CLPP: variants seen among roughly 807,000 people sequenced by gnomAD.
CLPP encodes the protein caseinolytic mitochondrial matrix peptidase proteolytic subunit.
CLPP carries 14 observed loss-of-function variants against 27.4 expected under a neutral mutation model. The observed-to-expected ratio is 0.51, with a 90% CI of 0.34 to 0.80. The LOEUF (loss-of-function observed/expected upper bound fraction) is 0.80, where lower values mean the gene tolerates loss of function less well. Among genes scored for constraint, CLPP ranks in the 30% least tolerant of loss-of-function variants. CLPP has a pLI of 0.02. For missense variants in CLPP, 361 were observed against 403.6 expected, an observed-to-expected ratio of 0.89 and a Z score of 0.90; for synonymous variants, 193 against 166.6, an observed-to-expected ratio of 1.16 and a Z score of -1.22.
chr19:6,368,081 C>G (rs1568323396), intron 5 of CLPP, among the ~76,000 whole-genome samples: 1 of 152,082 alleles, frequency 6.6e-6, no homozygotes, highest in Admixed American at 6.6e-5. Flanking sequence ...TTACTGATAC[C>G]TAGGGGAAAC....
chr19:6,362,385 C>T (rs1446267776), intron 2 of CLPP, 61 bp from the exon 3 acceptor site: 4 of 1,181,984 alleles, frequency 3.4e-6, no homozygotes, highest in Admixed American at 3.4e-5. Context: ...CATCCCCAGC[C>T]TCCCTTAAAA....
Position 6,364,432 on chromosome 19 carries a change from A to T in CLPP, c.368-20A>T. On this transcript the variant is annotated intron_variant, in intron 3 of 5. Coordinates refer to ENST00000245816, the MANE Select transcript of CLPP (RefSeq NM_006012.4). ...TCGGGGGGAGCTGGTCCAGCCCCTC[A>T]CTTGCTCCCCCGCCCACAGGTGGTG... 6.3e-7 allele frequency: 1 copy of T among 1,595,158 alleles called. No individual in the cohort carries two copies. The highest frequency in any genetic ancestry group is 2.3e-5 in the East Asian group (1 of 43,768).
intron 4 of CLPP, among the ~76,000 whole-genome samples, chr19:6,366,003 CAG>C (rs2091860533): frequency 6.6e-6 from 1 of 151,734 alleles, no homozygotes; most frequent in Non-Finnish European, 1.5e-5. Flanking sequence ...AATGCTGAGA[CAG>C]AGAGACACTG....
chr19:6,366,293 G>A lies in CLPP; in HGVS notation c.591G>A (p.Glu197=). 1 of 1,612,886 alleles carries A rather than the reference G, an allele frequency of 6.2e-7. No homozygotes were observed. Among genetic ancestry groups the A allele is most frequent in the Non-Finnish European group, 8.5e-7 (1 of 1,179,450 alleles). ...CAGACATTGCCATCCAGGCAGAGGAGATCATGAAGCTCAAGAAGCAGCTCT... is the reference window on the plus strand; with the variant it reads ...CAGACATTGCCATCCAGGCAGAGGAAATCATGAAGCTCAAGAAGCAGCTCT... The part of the protein sequence containing the change: ...QATDIAIQAE[E]IMKLKKQLYN... Residue 197 remains glutamate, a synonymous_variant, in exon 5 of 6, where the codon GAG becomes GAA. Transcript: ENST00000245816.
At chr19:6,361,829 T>C in intron 1 of CLPP, 40 bp from the exon 2 acceptor site, 4 of 1,437,010 alleles carry the variant, frequency 2.8e-6, no homozygotes, top group Non-Finnish European at 3.6e-6. Context: ...GGGGATCGGC[T>C]GGCTGCCCCG....
In CLPP at chr19:6,368,890, C is replaced by T; in HGVS notation, c.*180C>T. Reference sequence around the variant, plus strand: ...GAGACACTGTGATTTTAAATTAAATCTTTGTGGTCTTTGCTCTGCGTCTGG... The same window carrying T: ...GAGACACTGTGATTTTAAATTAAATTTTTGTGGTCTTTGCTCTGCGTCTGG... On this transcript the variant is annotated 3_prime_UTR_variant, in exon 6 of 6. Transcript: ENST00000245816. 1.6e-6 allele frequency: 1 copy of T among 610,350 alleles called. No individual in the cohort carries two copies. The highest frequency in any genetic ancestry group is 2.9e-6 in the Non-Finnish European group (1 of 348,164). 37.8% of individuals were successfully genotyped at this position (610,350 alleles called of 1,614,324 possible). A position where few individuals can be genotyped will look rare whatever the true frequency, so the allele number is the denominator to read the frequency against.
At chr19:6,366,147 A>G (rs2091861227) in intron 4 of CLPP, 111 bp from the exon 5 acceptor site, 1 of 672,320 alleles carries the variant, frequency 1.5e-6, no homozygotes, top group Non-Finnish European at 2.7e-6. Context: ...ACCAGCCTCA[A>G]ACCGGAAGCC....
Position 6,368,892 on chromosome 19 carries a change from T to G in CLPP, c.*182T>G, listed in dbSNP as rs2091874775. The G allele has an allele frequency of 3.3e-6, 2 of 611,526 alleles. No individual in the cohort carries two copies. Among genetic ancestry groups the G allele is most frequent in the Non-Finnish European group, 5.7e-6 (2 of 349,102 alleles). 37.9% of individuals were successfully genotyped at this position (611,526 alleles called of 1,614,324 possible). On this transcript the variant is annotated 3_prime_UTR_variant, in exon 6 of 6. Transcript: ENST00000245816. Reference sequence around the variant, plus strand: ...GACACTGTGATTTTAAATTAAATCTTTGTGGTCTTTGCTCTGCGTCTGGGA... The same window carrying G: ...GACACTGTGATTTTAAATTAAATCTGTGTGGTCTTTGCTCTGCGTCTGGGA...
At position 6,364,474 on chromosome 19, in the gene CLPP, G is replaced by A. The variant is rs1599194962; in HGVS notation, c.390G>A (p.Leu130=). 2 of 1,609,882 alleles carry A rather than the reference G, an allele frequency of 1.2e-6. No individual in the cohort carries two copies. ...CAGGTGGTGTGGTGACCGCGGGCCT[G>A]GCCATCTACGACACGATGCAGTACA... ...NSPGGVVTAG[L]AIYDTMQYIL... The change falls in exon 4 of 6, where the codon CTG becomes CTA. Residue 130 remains leucine (L), a synonymous_variant. Coordinates refer to ENST00000245816, the MANE Select transcript of CLPP (RefSeq NM_006012.4).
chr19:6,361,687 T>C lies in CLPP; in HGVS notation c.113T>C (p.Leu38Pro), dbSNP rs1016970969. ...FPAQRPPQRT[L>P]QNGLALQRCL... Reference sequence around the variant, plus strand: ...GCGCAGCGGCCGCCGCAGCGGACACTCCAGAACGGCCTGGCCCTGCAGCGG... The same window carrying C: ...GCGCAGCGGCCGCCGCAGCGGACACCCCAGAACGGCCTGGCCCTGCAGCGG... Residue 38 changes from leucine (L) to proline (P), a missense_variant, in exon 1 of 6, where the codon CTC becomes CCC. By Grantham distance (98) the Leu-to-Pro change is moderately conservative. Transcript: ENST00000245816. The C allele has an allele frequency of 2.7e-5, 40 of 1,493,024 alleles. No individual in the cohort carries two copies. The highest frequency in any genetic ancestry group is 3.4e-5 in the Non-Finnish European group (38 of 1,123,984). The allele number at this position is 1,493,024 out of a possible 1,614,324, so 92.5% of individuals were successfully genotyped here. A position where few individuals can be genotyped will look rare whatever the true frequency, so the allele number is the denominator to read the frequency against.
intron 2 of CLPP, chr19:6,362,215 C>T: frequency 1.7e-6 from 1 of 602,000 alleles, no homozygotes; most frequent in South Asian, 2.0e-5. Context: ...CCATTCTCAC[C>T]CCTTCCTTTC....
Position 6,364,656 on chromosome 19 carries a change from C to T in CLPP, c.555+17C>T, listed in dbSNP as rs776448958. ...GGCGCCCGGGTGAGTGCCAGACACGCGAGCTGCTGTTGGGAATCAGGACAG... is the reference window on the plus strand; with the variant it reads ...GGCGCCCGGGTGAGTGCCAGACACGTGAGCTGCTGTTGGGAATCAGGACAG... On this transcript the variant is annotated intron_variant, in intron 4 of 5. Transcript: ENST00000245816. 1.3e-5 allele frequency: 21 copies of T among 1,600,398 alleles called. No homozygotes were observed. The highest frequency in any genetic ancestry group is 2.2e-5 in the East Asian group (1 of 44,644).
Position 6,366,238 on chromosome 19 carries a change from CTCCCTTGGACG to C in CLPP, c.556-14_556-4del, listed in dbSNP as rs1322981852. 13 of 1,573,462 alleles carry C rather than the reference CTCCCTTGGACG, an allele frequency of 8.3e-6. No homozygotes were observed. Among genetic ancestry groups the C allele is most frequent in the Non-Finnish European group, 1.1e-5 (13 of 1,148,698 alleles). ...GCCGATACCAACCTTTACCCCCTCA[CTCCCTTGGACG>C]TCCCTCAGGGCCAAGCCACAGACAT... On this transcript the variant is annotated splice_polypyrimidine_tract_variant and intron_variant, in intron 4 of 5. Transcript: ENST00000245816.
rs2091873528 is a variant in CLPP at position 6,368,606 on chromosome 19, G to GT, written c.732dup (p.Leu245SerfsTer9). The GT allele has an allele frequency of 6.2e-7, 1 of 1,613,638 alleles. No homozygotes were observed. Among genetic ancestry groups the GT allele is most frequent in the South Asian group, 1.1e-5 (1 of 90,958 alleles). ...CCAGGAGTTTGGCATCTTAGACAAG[G>GT]TTCTGGTCCACCCTCCCCAGGACGG... On this transcript the variant is annotated frameshift_variant, in exon 6 of 6. Transcript: ENST00000245816. LOFTEE classifies it low-confidence loss of function (END_TRUNC).
At chr19:6,364,051 G>C (rs1052850023) in intron 3 of CLPP, among the ~76,000 whole-genome samples, 1 of 136,736 alleles carries the variant, frequency 7.3e-6, no homozygotes, top group African/African-American at 3.0e-5. Flanking sequence ...TTTTTTTTGA[G>C]ATGGAGTCTC....
In CLPP at chr19:6,361,866, C is replaced by T. The variant is rs781345579; in HGVS notation, c.199-3C>T. ...CCCCTCACCTCCATCTTTCTACCCCCAGGGTCGCGGCGAGCGCGCCTATGA... is the reference window on the plus strand; with the variant it reads ...CCCCTCACCTCCATCTTTCTACCCCTAGGGTCGCGGCGAGCGCGCCTATGA... On this transcript the variant is annotated splice_polypyrimidine_tract_variant and splice_region_variant and intron_variant, in intron 1 of 5. Coordinates refer to ENST00000245816, the MANE Select transcript of CLPP (RefSeq NM_006012.4). 4.4e-6 allele frequency: 7 copies of T among 1,597,778 alleles called. No homozygotes were observed. The highest frequency in any genetic ancestry group is 5.9e-6 in the Non-Finnish European group (7 of 1,179,044).
At position 6,368,709 on chromosome 19, in the gene CLPP, G is replaced by C. The variant is rs764331176; in HGVS notation, c.833G>C (p.Ter278SerextTer35). The change falls in exon 6 of 6, where the codon TGA becomes TCA. Residue 278 changes from the stop codon to serine (S), a stop_lost. Transcript: ENST00000245816. ...PAAEPVPAST[*>S] The stretch of plus-strand genomic sequence containing the variant: ...GCAGAACCTGTCCCAGCTAGCACCT[G>C]AGAGCTGGGCCTCCTCTCCAGAATC... The C allele has an allele frequency of 6.5e-7, 1 of 1,550,334 alleles. No homozygotes were observed. Among genetic ancestry groups the C allele is most frequent in the South Asian group, 1.2e-5 (1 of 84,164 alleles).
chr19:6,368,746 C>T lies in CLPP; in HGVS notation c.*36C>T, dbSNP rs959013645. 3 of 1,533,794 alleles carry T rather than the reference C, an allele frequency of 2.0e-6. No homozygotes were observed. Among genetic ancestry groups the T allele is most frequent in the Non-Finnish European group, 1.8e-6 (2 of 1,136,754 alleles). ...TCCTCTCCAGAATCATGTGGAGGGG[C>T]CAGAGGCCTGCCAGACCCCCAGCTG... On this transcript the variant is annotated 3_prime_UTR_variant, in exon 6 of 6. Coordinates refer to ENST00000245816, the MANE Select transcript of CLPP (RefSeq NM_006012.4).
Position 6,364,468 on chromosome 19 carries a change from G to A in CLPP, c.384G>A (p.Ala128=), listed in dbSNP as rs376053962. Residue 128 remains alanine (A), a synonymous_variant, in exon 4 of 6, where the codon GCG becomes GCA. Coordinates refer to ENST00000245816, the MANE Select transcript of CLPP (RefSeq NM_006012.4). ...YINSPGGVVT[A]GLAIYDTMQY... ...CGCCCACAGGTGGTGTGGTGACCGC[G>A]GGCCTGGCCATCTACGACACGATGC... is the stretch of plus-strand genomic sequence containing the variant. 105 of 1,608,682 alleles carry A rather than the reference G, an allele frequency of 6.5e-5. No homozygotes were observed. The highest frequency in any genetic ancestry group is 2.1e-4 in the Middle Eastern group (1 of 4,826).
Sources: gnomAD v4.1 joint callset for allele counts (sites outside exome capture counted in the v4.1 genomes callset) on GRCh38, gnomAD v4.1.1 for gene constraint, MANE v1.5 for transcripts, NCBI Gene and HGNC (gene_info 2026-07-23, HGNC 2026-07-21) for gene names.